WDR31: variants seen among roughly 807,000 people sequenced by gnomAD.
WDR31 encodes WD repeat domain 31, also known as WD repeat-containing protein 31.
WDR31 carries 30 observed loss-of-function variants against 47.3 expected under a neutral mutation model. The ratio of observed to expected loss-of-function variants is 0.63; its 90% CI spans 0.47 to 0.86. The LOEUF is 0.86. Among genes scored for constraint, WDR31 ranks in the 40% least tolerant of loss-of-function variants. WDR31 has a pLI of 0.00. For synonymous variants in WDR31, 137 were observed against 159.4 expected, an observed-to-expected ratio of 0.86 and a Z score of 1.06; for missense variants, 406 against 442.9, an observed-to-expected ratio of 0.92 and a Z score of 0.75.
At chr9:113,322,276 G>A (rs1444744301) in intron 7 of WDR31, among the ~76,000 whole-genome samples, 1 of 151,938 alleles carries the variant, frequency 6.6e-6, no homozygotes, top group Admixed American at 6.6e-5. Context: ...ACTTCCTTGA[G>A]ATAACATAAC....
At chr9:113,338,697 C>T (rs1833766220) in intron 1 of WDR31, among the ~76,000 whole-genome samples, 1 of 151,478 alleles carries the variant, frequency 6.6e-6, no homozygotes, top group Non-Finnish European at 1.5e-5. Flanking sequence ...CAGCTCATCA[C>T]AACCTCCACC....
At chr9:113,325,671 T>C (rs1482750786) in intron 5 of WDR31, among the ~76,000 whole-genome samples, 1 of 151,806 alleles carries the variant, frequency 6.6e-6, no homozygotes, top group Non-Finnish European at 1.5e-5. Context: ...CCCACTTTTG[T>C]AAGTACTCTC....
intron 1 of WDR31, among the ~76,000 whole-genome samples, chr9:113,338,980 T>A (rs1374541278): frequency 6.6e-6 from 1 of 151,898 alleles, no homozygotes; most frequent in Non-Finnish European, 1.5e-5. Flanking sequence ...CAACAACATA[T>A]CCCTTAGAGA....
At chr9:113,319,197 C>T (rs1833274731) in intron 9 of WDR31, among the ~76,000 whole-genome samples, 1 of 152,216 alleles carries the variant, frequency 6.6e-6, no homozygotes, top group African/African-American at 2.4e-5. Flanking sequence ...GCCAGTCCCA[C>T]TCTCATTGAT....
At chr9:113,332,917 T>G (rs1833629811) in intron 2 of WDR31, among the ~76,000 whole-genome samples, 1 of 152,198 alleles carries the variant, frequency 6.6e-6, no homozygotes, top group South Asian at 2.1e-4. Flanking sequence ...GGCACCTCCC[T>G]CCTCACCTGG....
intron 4 of WDR31, among the ~76,000 whole-genome samples, chr9:113,329,222 C>T (rs1025313842): frequency 1.3e-5 from 2 of 152,250 alleles, no homozygotes; most frequent in Non-Finnish European, 2.9e-5. Flanking sequence ...GGCTAACATT[C>T]CCCAAGGAGA....
At position 113,323,018 on chromosome 9, in the gene WDR31, C is replaced by CA; in HGVS notation, c.461dup (p.Ser155GlufsTer54). ...AGGTCCGCTTTGTTTTACCTGGACT[C>CA]ACAGCCAATCCGGTGACCACCATGG... is the stretch of plus-strand genomic sequence containing the variant. On this transcript the variant is annotated frameshift_variant, in exon 6 of 11. Transcript: ENST00000374193. LOFTEE classifies it high-confidence loss of function. 6.2e-7 allele frequency: 1 copy of CA among 1,614,116 alleles called. No individual in the cohort carries two copies. Among genetic ancestry groups the CA allele is most frequent in the Non-Finnish European group, 8.5e-7 (1 of 1,180,000 alleles).
intron 5 of WDR31, among the ~76,000 whole-genome samples, chr9:113,326,301 C>T (rs1833466386): frequency 6.6e-6 from 1 of 152,222 alleles, no homozygotes. Context: ...AATGTCTTCC[C>T]ATTGCCTTTA....
rs1257986953 is a variant in WDR31 at position 113,313,353 on chromosome 9, C to T, written c.*3396G>A. On this transcript the variant is annotated 3_prime_UTR_variant, in exon 11 of 11. Transcript: ENST00000374193. Reference sequence around the variant, plus strand: ...CCCTGGGACCCCCTCCCAACTCATTCCCGTGAACTTTCTGACTTGCTGCCT... The same window carrying T: ...CCCTGGGACCCCCTCCCAACTCATTTCCGTGAACTTTCTGACTTGCTGCCT... The T allele has an allele frequency of 6.6e-6, 1 of 152,230 alleles. No individual in the cohort carries two copies. The highest frequency in any genetic ancestry group is 2.4e-5 in the African/African-American group (1 of 41,442). 9.4% of individuals were successfully genotyped at this position (152,230 alleles called of 1,614,324 possible). A position where few individuals can be genotyped will look rare whatever the true frequency, so the allele number is the denominator to read the frequency against.
At chr9:113,321,462 A>C (rs1833325947) in intron 8 of WDR31, 49 bp downstream of exon 8, 1 of 1,580,698 alleles carries the variant, frequency 6.3e-7, no homozygotes, top group African/African-American at 1.3e-5. Context: ...TATGCATGGG[A>C]GCCACAAACC....
chr9:113,318,480 G>A lies in WDR31; in HGVS notation c.938C>T (p.Thr313Ile). The change falls in exon 10 of 11, where the codon ACT becomes ATT. Residue 313 changes from threonine to isoleucine, a missense_variant. By Grantham distance (89) the Thr-to-Ile change is moderately conservative (BLOSUM62 -1). Transcript: ENST00000374193. ...ACTAACAGCAGGCTGCTTACCTCCA[G>A]TATCTTGGTTCCAAATCTTCACCTT... Reference protein sequence around the residue: ...DCKVKIWNQDTGACLFTLSLD... With the variant: ...DCKVKIWNQDIGACLFTLSLD... The A allele has an allele frequency of 6.2e-7, 1 of 1,614,206 alleles. No homozygotes were observed. The highest frequency in any genetic ancestry group is 8.5e-7 in the Non-Finnish European group (1 of 1,180,018).
At position 113,315,642 on chromosome 9, in the gene WDR31, C is replaced by G. The variant is rs926297305; in HGVS notation, c.*1107G>C. 3 of 152,134 alleles carry G rather than the reference C, an allele frequency of 2.0e-5. No homozygotes were observed. The highest frequency in any genetic ancestry group is 7.3e-5 in the African/African-American group (3 of 41,366). 9.4% of individuals were successfully genotyped at this position (152,134 alleles called of 1,614,324 possible). A position where few individuals can be genotyped will look rare whatever the true frequency, so the allele number is the denominator to read the frequency against. On this transcript the variant is annotated 3_prime_UTR_variant, in exon 11 of 11. Coordinates refer to ENST00000374193, the MANE Select transcript of WDR31 (RefSeq NM_001012361.4). ...GTCTGGGGCACAGTTGACTCCATCCCTCTCTTTTTTCCTGTATGTGGTTTT... is the reference window on the plus strand; with the variant it reads ...GTCTGGGGCACAGTTGACTCCATCCGTCTCTTTTTTCCTGTATGTGGTTTT...
At chr9:113,330,893 G>A in intron 4 of WDR31, 91 bp downstream of exon 4, 1 of 1,410,194 alleles carries the variant, frequency 7.1e-7, no homozygotes, top group South Asian at 1.6e-5. Context: ...TGTCAACCCT[G>A]CTCCAGAAAT....
chr9:113,330,978 C>A lies in WDR31; in HGVS notation c.249+6G>T. 1 of 1,598,560 alleles carries A rather than the reference C, an allele frequency of 6.3e-7. No individual in the cohort carries two copies. Among genetic ancestry groups the A allele is most frequent in the Non-Finnish European group, 8.5e-7 (1 of 1,170,158 alleles). ...TTCATTTCCCGGGAAACACTGCAAA[C>A]CCCACCTTATCTTTCCCTCCAGAGA... On this transcript the variant is annotated splice_donor_region_variant and intron_variant, in intron 4 of 10. Coordinates refer to ENST00000374193, the MANE Select transcript of WDR31 (RefSeq NM_001012361.4).
intron 3 of WDR31, 70 bp downstream of exon 3, chr9:113,331,837 T>C (rs1833604325): frequency 3.4e-6 from 5 of 1,456,938 alleles, no homozygotes; most frequent in African/African-American, 1.4e-5. Flanking sequence ...CCCTGGGCCT[T>C]CTCTTTCTTC....
intron 7 of WDR31, 44 bp downstream of exon 7, chr9:113,322,767 G>T (rs1374196873): frequency 6.3e-7 from 1 of 1,591,078 alleles, no homozygotes. Context: ...TTCACCCCAT[G>T]CTCCTTTCTG....
At chr9:113,331,817 T>C (rs990535680) in intron 3 of WDR31, 90 bp downstream of exon 3, 2 of 1,217,634 alleles carry the variant, frequency 1.6e-6, no homozygotes, top group African/African-American at 3.0e-5. Context: ...GGGAAGGCCA[T>C]CAACATTCGC....
In WDR31 at chr9:113,316,588, A is replaced by T. The variant is rs991924314; in HGVS notation, c.*161T>A. ...TCTATACCTGATTTTGAATCACTGG[A>T]CTTAAATTATTGGACTTACAACACT... On this transcript the variant is annotated 3_prime_UTR_variant, in exon 11 of 11. Coordinates refer to ENST00000374193, the MANE Select transcript of WDR31 (RefSeq NM_001012361.4). 1.2e-6 allele frequency: 1 copy of T among 822,196 alleles called. No individual in the cohort carries two copies. The highest frequency in any genetic ancestry group is 1.8e-6 in the Non-Finnish European group (1 of 544,904). The allele number at this position is 822,196 out of a possible 1,614,324, so 50.9% of individuals were successfully genotyped here.
Position 113,324,916 on chromosome 9 carries a change from C to T in WDR31, c.325-1761G>A, listed in dbSNP as rs115105712. Among the ~76,000 whole-genome samples the T allele has an allele frequency of 6.0e-3, 895 of 149,860 alleles. 10 individuals are homozygous for T. Among genetic ancestry groups the T allele is most frequent in the African/African-American group, 0.021 (844 of 40,828 alleles). Reference sequence around the variant, plus strand: ...ATTTACTAACTGTTTTACTTTCAATCTTAAAGCTGTTTTGCATTAGATATG... The same window carrying T: ...ATTTACTAACTGTTTTACTTTCAATTTTAAAGCTGTTTTGCATTAGATATG... On this transcript the variant is annotated intron_variant, in intron 5 of 10. Coordinates refer to ENST00000374193, the MANE Select transcript of WDR31 (RefSeq NM_001012361.4).
Sources: allele counts gnomAD v4.1 joint callset (sites outside exome capture counted in the v4.1 genomes callset), GRCh38; gene constraint gnomAD v4.1.1; transcripts MANE v1.5; gene names NCBI Gene and HGNC (gene_info 2026-07-23, HGNC 2026-07-21).